ZDHHC14: variants seen among roughly 807,000 people sequenced by gnomAD.
ZDHHC14 encodes the protein zDHHC palmitoyltransferase 14.
ZDHHC14 carries 16 observed loss-of-function variants against 47.7 expected under a neutral mutation model. That is an observed-to-expected ratio of 0.34 (90% CI 0.23 to 0.51). The LOEUF (loss-of-function observed/expected upper bound fraction) is 0.51. ZDHHC14 is among the 20% of genes least tolerant of loss of function. The pLI is 0.97. For missense variants in ZDHHC14, 515 were observed against 662.5 expected (o/e 0.78, Z 2.44); for synonymous variants, 293 against 278.9 (o/e 1.05, Z -0.50).
At chr6:157,452,038 G>T (rs1778815659) in intron 1 of ZDHHC14, among the ~76,000 whole-genome samples, 1 of 152,114 alleles carries the variant, frequency 6.6e-6, no homozygotes, top group South Asian at 2.1e-4. Context: ...CGGAAAGATG[G>T]GTTGGCCCTG....
chr6:157,528,426 T>C (rs1781236702), intron 1 of ZDHHC14, among the ~76,000 whole-genome samples: 1 of 151,950 alleles, frequency 6.6e-6, no homozygotes, highest in African/African-American at 2.4e-5. Flanking sequence ...TGGGCATTAA[T>C]CAATTAATTT....
At position 157,586,938 on chromosome 6, in the gene ZDHHC14, C is replaced by A. The variant is rs1783720473; in HGVS notation, c.407-6050C>A. ...GAGGTTCAATCTTTTAAAAAATGCACTTTGGAACTAAAGATCAATAGAGTT... is the reference window on the plus strand; with the variant it reads ...GAGGTTCAATCTTTTAAAAAATGCAATTTGGAACTAAAGATCAATAGAGTT... On this transcript the variant is annotated intron_variant, in intron 2 of 8. Coordinates refer to ENST00000359775, the MANE Select transcript of ZDHHC14 (RefSeq NM_024630.3). The surrounding 1 kb of genome is among the most constrained non-coding windows in gnomAD (Gnocchi z 4.6). Among the ~76,000 whole-genome samples the A allele has an allele frequency of 1.3e-5, 2 of 152,136 alleles. No homozygotes were observed.
At chr6:157,432,434 G>A (rs541488189) in intron 1 of ZDHHC14, among the ~76,000 whole-genome samples, 1 of 152,270 alleles carries the variant, frequency 6.6e-6, no homozygotes, top group East Asian at 1.9e-4. Flanking sequence ...CTTACTAGCA[G>A]GTGTGGTTGC....
At chr6:157,409,476 G>A (rs1777830228) in intron 1 of ZDHHC14, among the ~76,000 whole-genome samples, 3 of 152,162 alleles carry the variant, frequency 2.0e-5, no homozygotes. Flanking sequence ...GACCTTTTCT[G>A]GTGAGGGGCT....
chr6:157,403,286 G>A (rs1273360743), intron 1 of ZDHHC14, among the ~76,000 whole-genome samples: 7 of 152,144 alleles, frequency 4.6e-5, no homozygotes, highest in Admixed American at 4.6e-4. Flanking sequence ...TCCACAAGCT[G>A]GAACAATAAC....
intron 3 of ZDHHC14, among the ~76,000 whole-genome samples, chr6:157,601,394 G>T (rs1245689363): frequency 6.6e-6 from 1 of 151,966 alleles, no homozygotes; most frequent in Non-Finnish European, 1.5e-5. Flanking sequence ...CAAAAAAGAA[G>T]AAACAAAATC....
chr6:157,517,650 TTC>T (rs1780745706), intron 1 of ZDHHC14, among the ~76,000 whole-genome samples: 2 of 152,108 alleles, frequency 1.3e-5, no homozygotes, highest in South Asian at 4.2e-4. Context: ...TCTTGAAAAT[TTC>T]TGTCAGGTAC....
intron 3 of ZDHHC14, among the ~76,000 whole-genome samples, chr6:157,596,727 C>G (rs1241304176): frequency 1.3e-5 from 2 of 152,062 alleles, no homozygotes; most frequent in Non-Finnish European, 2.9e-5. Flanking sequence ...TAGTGCTACC[C>G]CCTCGGTTTC....
chr6:157,596,043 T>C (rs971121453), intron 3 of ZDHHC14, among the ~76,000 whole-genome samples: 8 of 152,046 alleles, frequency 5.3e-5, no homozygotes, highest in African/African-American at 1.9e-4. Flanking sequence ...GGTGAAGAAG[T>C]AGCATATGAG....
intron 3 of ZDHHC14, among the ~76,000 whole-genome samples, chr6:157,619,408 C>T (rs536803897): frequency 9.1e-4 from 138 of 152,144 alleles, no homozygotes; most frequent in African/African-American, 3.3e-3. Context: ...AAAACAAAAA[C>T]AGAATTTAAA....
intron 3 of ZDHHC14, among the ~76,000 whole-genome samples, chr6:157,615,258 C>G (rs1191504067): frequency 6.6e-6 from 1 of 152,180 alleles, no homozygotes; most frequent in Non-Finnish European, 1.5e-5. Context: ...ATGTGAACAA[C>G]AAGAAACAAA....
chr6:157,598,081 C>T (rs1784202974), intron 3 of ZDHHC14, among the ~76,000 whole-genome samples: 1 of 152,252 alleles, frequency 6.6e-6, no homozygotes. Flanking sequence ...CTCACTGCTT[C>T]CTCTGTGTGT....
chr6:157,436,541 G>T (rs1197020576), intron 1 of ZDHHC14, among the ~76,000 whole-genome samples: 1 of 137,538 alleles, frequency 7.3e-6, no homozygotes, highest in Admixed American at 7.5e-5. Flanking sequence ...AAGCATGAGA[G>T]TCGCCCAGGT....
chr6:157,585,354 G>A (rs1469186511), intron 2 of ZDHHC14, among the ~76,000 whole-genome samples: 1 of 148,552 alleles, frequency 6.7e-6, no homozygotes, highest in African/African-American at 2.5e-5. Flanking sequence ...AAGCCACAAA[G>A]AGCAGCCCAA....
At chr6:157,471,014 G>A (rs1363095206) in intron 1 of ZDHHC14, among the ~76,000 whole-genome samples, 1 of 152,146 alleles carries the variant, frequency 6.6e-6, no homozygotes. Flanking sequence ...AGTTAGTGGT[G>A]GGTTACCAGG....
At chr6:157,440,383 T>C (rs1778537495) in intron 1 of ZDHHC14, among the ~76,000 whole-genome samples, 1 of 152,060 alleles carries the variant, frequency 6.6e-6, no homozygotes, top group South Asian at 2.1e-4. Flanking sequence ...GGGATTGTGA[T>C]AACTGAAAAA....
intron 2 of ZDHHC14, among the ~76,000 whole-genome samples, chr6:157,588,896 T>C (rs923726190): frequency 6.6e-6 from 1 of 152,150 alleles, no homozygotes; most frequent in Non-Finnish European, 1.5e-5. Context: ...AGAATCTGCT[T>C]ATGTGCTAGG....
In ZDHHC14 at chr6:157,586,204, A is replaced by G. The variant is rs1047666622; in HGVS notation, c.407-6784A>G. 6.6e-6 allele frequency among the ~76,000 whole-genome samples: 1 copy of G among 152,154 alleles called. No individual in the cohort carries two copies. The highest frequency in any genetic ancestry group is 1.5e-5 in the Non-Finnish European group (1 of 68,022). ...AGCTCAGAGCCCAGGGCTGGCCCCC[A>G]GTAGAAGCACAATACAGATCTAGTG... On this transcript the variant is annotated intron_variant, in intron 2 of 8. Coordinates refer to ENST00000359775, the MANE Select transcript of ZDHHC14 (RefSeq NM_024630.3). The surrounding 1 kb of genome is among the most constrained non-coding windows in gnomAD (Gnocchi z 4.6).
chr6:157,512,621 T>C (rs969106753), intron 1 of ZDHHC14, among the ~76,000 whole-genome samples: 3 of 152,052 alleles, frequency 2.0e-5, no homozygotes, highest in Admixed American at 2.0e-4. Context: ...TGTGGGAGGA[T>C]AGCTTGAGCC....
Sources: gnomAD v4.1 joint callset for allele counts (sites outside exome capture counted in the v4.1 genomes callset) on GRCh38, gnomAD v4.1.1 for gene constraint, Gnocchi (gnomAD v3.1) non-coding constraint, MANE v1.5 for transcripts, NCBI Gene and HGNC (gene_info 2026-07-23, HGNC 2026-07-21) for gene names.